Variants in GCM1 observed in about 807,000 individuals in gnomAD.
The protein encoded by GCM1 is GCM transcription factor 1.
GCM1 carries 2 observed loss-of-function variants against 25.7 expected under a neutral mutation model. The observed-to-expected ratio is 0.08, with a 90% confidence interval of 0.03 to 0.24. The LOEUF (loss-of-function observed/expected upper bound fraction) is 0.24. Ranked by LOEUF, GCM1 falls within the 10% of genes least tolerant of loss-of-function variation. The pLI is 1.00. For synonymous variants in GCM1, 183 were observed against 195.7 expected (o/e 0.94, Z 0.54); for missense variants, 395 against 538.7 (o/e 0.73, Z 2.64).
intron 3 of GCM1, 124 bp from the exon 4 acceptor site, chr6:53,132,243 C>A: frequency 1.5e-6 from 1 of 682,758 alleles, no homozygotes; most frequent in Non-Finnish European, 2.6e-6. Flanking sequence ...GGCAGAGTTT[C>A]ATGGGCTGAA....
At chr6:53,137,197 T>C (rs141122174) in intron 2 of GCM1, among the ~76,000 whole-genome samples, 3 of 152,184 alleles carry the variant, frequency 2.0e-5, no homozygotes, top group East Asian at 1.9e-4. Context: ...GCAGCAGAGA[T>C]TCCCGGATGG....
At chr6:53,128,991 CA>C (rs1707632944) in intron 5 of GCM1, 45 bp from the exon 6 acceptor site, 1 of 1,532,884 alleles carries the variant, frequency 6.5e-7, no homozygotes, top group South Asian at 1.2e-5. Context: ...TTAAGCAAAT[CA>C]AAACCACTGC....
intron 2 of GCM1, among the ~76,000 whole-genome samples, chr6:53,137,320 C>T (rs1763815365): frequency 6.6e-6 from 1 of 152,154 alleles, no homozygotes; most frequent in African/African-American, 2.4e-5. Context: ...GAGAGAAGCT[C>T]CCCAGGCAGC....
Position 53,143,643 on chromosome 6 carries a change from C to T in GCM1, c.75+1915G>A, listed in dbSNP as rs76983014. 4.8e-3 allele frequency among the ~76,000 whole-genome samples: 736 copies of T among 152,250 alleles called. 3 individuals carry two copies. The highest frequency in any genetic ancestry group is 0.016 in the African/African-American group (667 of 41,520). ...AGTTTACTTTAAAGTTTCCCTACAA[C>T]AGTGACAATAATTGTAATACTAATT... On this transcript the variant is annotated intron_variant, in intron 2 of 5. Coordinates refer to ENST00000259803, the MANE Select transcript of GCM1 (RefSeq NM_003643.4).
intron 2 of GCM1, among the ~76,000 whole-genome samples, chr6:53,134,905 A>G (rs115980920): frequency 0.01 from 1,535 of 152,332 alleles, 18 homozygotes; most frequent in Middle Eastern, 0.037. Flanking sequence ...GGTTTATGCA[A>G]TGTCGCCAGA....
intron 2 of GCM1, among the ~76,000 whole-genome samples, chr6:53,142,011 A>G (rs1763880180): frequency 9.8e-6 from 1 of 102,076 alleles, no homozygotes; most frequent in Non-Finnish European, 1.9e-5. Context: ...AAAAAAAAAA[A>G]AAAAAAAAAA....
intron 2 of GCM1, among the ~76,000 whole-genome samples, chr6:53,143,314 T>A (rs1209899735): frequency 3.3e-5 from 5 of 152,224 alleles, no homozygotes; most frequent in Non-Finnish European, 7.3e-5. Context: ...AAATTCATGT[T>A]GGAACATGAA....
intron 1 of GCM1, among the ~76,000 whole-genome samples, chr6:53,148,463 T>C (rs1055376829): frequency 2.0e-5 from 3 of 152,216 alleles, no homozygotes; most frequent in African/African-American, 4.8e-5. Context: ...ATATTAACAT[T>C]TGCTAAGCGA....
chr6:53,142,347 A>G (rs150360274), intron 2 of GCM1, among the ~76,000 whole-genome samples: 111 of 152,304 alleles, frequency 7.3e-4, no homozygotes, highest in African/African-American at 2.5e-3. Context: ...AAAAAGTTTC[A>G]TGGTCAAAAA....
At chr6:53,147,575 C>T (rs568093338) in intron 1 of GCM1, among the ~76,000 whole-genome samples, 87 of 151,454 alleles carry the variant, frequency 5.7e-4, no homozygotes, top group Non-Finnish European at 1.0e-3. Flanking sequence ...ATTACAGGCA[C>T]GCACCACCAC....
At chr6:53,135,634 CT>C (rs1763786778) in intron 2 of GCM1, among the ~76,000 whole-genome samples, 1 of 152,168 alleles carries the variant, frequency 6.6e-6, no homozygotes, top group South Asian at 2.1e-4. Flanking sequence ...CAAACTTAGG[CT>C]GTGCCCATGC....
At chr6:53,136,846 G>A (rs1763806511) in intron 2 of GCM1, among the ~76,000 whole-genome samples, 1 of 152,056 alleles carries the variant, frequency 6.6e-6, no homozygotes, top group Admixed American at 6.6e-5. Context: ...TGTGGTGGCG[G>A]GCACCAGTAA....
At chr6:53,129,567 C>A (rs1011216411) in intron 5 of GCM1, among the ~76,000 whole-genome samples, 1 of 152,226 alleles carries the variant, frequency 6.6e-6, no homozygotes, top group Non-Finnish European at 1.5e-5. Flanking sequence ...AGCCACAGTG[C>A]CTGGCCTCTA....
chr6:53,128,598 G>T lies in GCM1; in HGVS notation c.919C>A (p.His307Asn), dbSNP rs758571009. The T allele has an allele frequency of 6.2e-7, 1 of 1,614,108 alleles. No homozygotes were observed. Among genetic ancestry groups the T allele is most frequent in the Non-Finnish European group, 8.5e-7 (1 of 1,179,984 alleles). Residue 307 changes from histidine to asparagine, a missense_variant, in exon 6 of 6, where the codon CAT becomes AAT. By Grantham distance (68) the His-to-Asn change is moderately conservative. Around this residue, in one of 5 missense-constraint regions of GCM1, gnomAD observed 291 missense variants for 314.6 expected, o/e 0.92. Coordinates refer to ENST00000259803, the MANE Select transcript of GCM1 (RefSeq NM_003643.4). ...TTGGAATAACAGTTGTCAGCAAGAT[G>T]ATTTCTCCCCAAAGCAGCATTTTTA... is the stretch of plus-strand genomic sequence containing the variant. The part of the protein sequence containing the change: ...WSKNAALGRN[H>N]LADNCYSNYP...
chr6:53,127,832 C>T lies in GCM1; in HGVS notation c.*374G>A, dbSNP rs983296244. Reference sequence around the variant, plus strand: ...TCACTTGAGATCAGGAGTTTGAGAGCAGCCTGACCAACATGGCAAAACCCT... The same window carrying T: ...TCACTTGAGATCAGGAGTTTGAGAGTAGCCTGACCAACATGGCAAAACCCT... On this transcript the variant is annotated 3_prime_UTR_variant, in exon 6 of 6. Transcript: ENST00000259803. The T allele has an allele frequency of 1.8e-5, 3 of 162,732 alleles. No individual in the cohort carries two copies. Among genetic ancestry groups the T allele is most frequent in the Non-Finnish European group, 4.0e-5 (3 of 75,856 alleles). 10.1% of individuals were successfully genotyped at this position (162,732 alleles called of 1,614,324 possible). A position where few individuals can be genotyped will look rare whatever the true frequency, so the allele number is the denominator to read the frequency against.
chr6:53,143,792 A>G (rs1194535553), intron 2 of GCM1, among the ~76,000 whole-genome samples: 1 of 142,846 alleles, frequency 7.0e-6, no homozygotes, highest in Non-Finnish European at 1.5e-5. Flanking sequence ...CTGTCCCAAG[A>G]TCTACGAAGA....
At chr6:53,132,522 GC>G (rs1424836792) in intron 3 of GCM1, among the ~76,000 whole-genome samples, 2 of 152,172 alleles carry the variant, frequency 1.3e-5, no homozygotes, top group Non-Finnish European at 2.9e-5. Flanking sequence ...GACTAGCCTG[GC>G]CAATATGGTG....
intron 1 of GCM1, among the ~76,000 whole-genome samples, chr6:53,147,738 G>T (rs2127511878): frequency 6.6e-6 from 1 of 152,058 alleles, no homozygotes; most frequent in African/African-American, 2.4e-5. Flanking sequence ...CTGTTCTTTA[G>T]TTATTTAGTG....
chr6:53,144,209 G>A (rs1020622310), intron 2 of GCM1, among the ~76,000 whole-genome samples: 1 of 152,088 alleles, frequency 6.6e-6, no homozygotes, highest in African/African-American at 2.4e-5. Context: ...GTTGTTCGTG[G>A]CCAGTAGTTT....
Sources: allele counts gnomAD v4.1 joint callset (sites outside exome capture counted in the v4.1 genomes callset), GRCh38; gene constraint gnomAD v4.1.1; regional missense constraint gnomAD v4.1.1; transcripts MANE v1.5; gene names NCBI Gene and HGNC (gene_info 2026-07-23, HGNC 2026-07-21).